Variants in FBXL7 observed in about 807,000 individuals in gnomAD.
The protein encoded by FBXL7 is F-box and leucine rich repeat protein 7, also known as F-box/LRR-repeat protein 7.
Under a neutral mutation model 38.3 loss-of-function variants are expected in FBXL7, and 12 were observed. The observed-to-expected ratio is 0.31, with a 90% CI of 0.20 to 0.51. FBXL7 has a LOEUF of 0.51. Ranked by LOEUF, FBXL7 falls within the 20% of genes least tolerant of loss-of-function variation. The pLI is 0.98. For missense variants in FBXL7, 567 were observed against 676.4 expected, an observed-to-expected ratio of 0.84 and a Z score of 1.79; for synonymous variants, 297 against 300.9, an observed-to-expected ratio of 0.99 and a Z score of 0.13.
At chr5:15,721,959 T>C (rs1334108585) in intron 2 of FBXL7, among the ~76,000 whole-genome samples, 1 of 152,080 alleles carries the variant, frequency 6.6e-6, no homozygotes, top group African/African-American at 2.4e-5. Flanking sequence ...CTCAGCCTCC[T>C]GAGTAGCTGG....
chr5:15,807,799 T>G (rs948820348), intron 2 of FBXL7, among the ~76,000 whole-genome samples: 3 of 152,190 alleles, frequency 2.0e-5, no homozygotes, highest in Non-Finnish European at 4.4e-5. Context: ...CACAGATTTC[T>G]AGCAGCAGGG....
chr5:15,758,469 A>G (rs952666105), intron 2 of FBXL7, among the ~76,000 whole-genome samples: 3 of 152,140 alleles, frequency 2.0e-5, no homozygotes, highest in African/African-American at 7.2e-5. Context: ...CAAAGTGTCA[A>G]TAGTATTGAG....
chr5:15,572,761 C>A (rs1187732415), intron 1 of FBXL7, among the ~76,000 whole-genome samples: 1 of 152,152 alleles, frequency 6.6e-6, no homozygotes, highest in East Asian at 1.9e-4. Flanking sequence ...GACCTGGAGG[C>A]TGCAACCTAT....
At chr5:15,584,726 C>T (rs1457876711) in intron 1 of FBXL7, among the ~76,000 whole-genome samples, 1 of 152,160 alleles carries the variant, frequency 6.6e-6, no homozygotes, top group Non-Finnish European at 1.5e-5. Context: ...TAAAAGTACC[C>T]CACTCCTGGT....
intron 2 of FBXL7, among the ~76,000 whole-genome samples, chr5:15,879,565 C>A (rs371085555): frequency 2.0e-5 from 3 of 152,266 alleles, no homozygotes; most frequent in South Asian, 2.1e-4. Flanking sequence ...AGAGTGAATT[C>A]TTGGTATAAA....
intron 2 of FBXL7, among the ~76,000 whole-genome samples, chr5:15,630,156 C>A (rs1740952238): frequency 6.6e-6 from 1 of 152,106 alleles, no homozygotes; most frequent in Non-Finnish European, 1.5e-5. Context: ...ATAACCAGTT[C>A]CTCTCAGAAA....
intron 1 of FBXL7, among the ~76,000 whole-genome samples, chr5:15,591,646 C>G (rs1739479216): frequency 6.6e-6 from 1 of 152,092 alleles, no homozygotes; most frequent in South Asian, 2.1e-4. Flanking sequence ...TAACATCAGT[C>G]CCCTCTGCCC....
chr5:15,837,715 A>G (rs1289321757), intron 2 of FBXL7, among the ~76,000 whole-genome samples: 2 of 152,176 alleles, frequency 1.3e-5, no homozygotes, highest in Non-Finnish European at 2.9e-5. Flanking sequence ...CAAGGATGGC[A>G]GCCAGAGGTC....
In FBXL7 at chr5:15,937,237, A is replaced by AT. The variant is rs1469494669; in HGVS notation, c.*58dup. On this transcript the variant is annotated 3_prime_UTR_variant, in exon 4 of 4. Transcript: ENST00000504595. Reference sequence around the variant, plus strand: ...ATTCACACAAACCTGAACAAAGCAAATTTTTTTAAAAGCAGCGTATGTAAG... The same window carrying AT: ...ATTCACACAAACCTGAACAAAGCAAATTTTTTTTAAAAGCAGCGTATGTAAG... 10 of 1,478,744 alleles carry AT rather than the reference A, an allele frequency of 6.8e-6. No homozygotes were observed. Among genetic ancestry groups the AT allele is most frequent in the African/African-American group, 4.2e-5 (3 of 71,378 alleles). The allele number at this position is 1,478,744 out of a possible 1,614,324, so 91.6% of individuals were successfully genotyped here. A position where few individuals can be genotyped will look rare whatever the true frequency, so the allele number is the denominator to read the frequency against.
chr5:15,534,539 T>C (rs1300710687), intron 1 of FBXL7, among the ~76,000 whole-genome samples: 1 of 152,242 alleles, frequency 6.6e-6, no homozygotes, highest in East Asian at 1.9e-4. Context: ...TATCTGGAAG[T>C]ACCACAATTT....
chr5:15,549,735 C>T (rs1383339911), intron 1 of FBXL7, among the ~76,000 whole-genome samples: 5 of 152,088 alleles, frequency 3.3e-5, no homozygotes, highest in Non-Finnish European at 5.9e-5. Context: ...GACTCCAGGC[C>T]CACAAAGACT....
At chr5:15,867,656 T>C (rs1469023275) in intron 2 of FBXL7, among the ~76,000 whole-genome samples, 2 of 152,188 alleles carry the variant, frequency 1.3e-5, no homozygotes, top group East Asian at 1.9e-4. Flanking sequence ...CTGAACTTAA[T>C]AGAGGGAGAT....
chr5:15,936,399 G>T lies in FBXL7; in HGVS notation c.740-51G>T. 2 of 1,573,590 alleles carry T rather than the reference G, an allele frequency of 1.3e-6. No individual in the cohort carries two copies. The highest frequency in any genetic ancestry group is 2.3e-5 in the East Asian group (1 of 44,432). On this transcript the variant is annotated intron_variant, in intron 3 of 3. Coordinates refer to ENST00000504595, the MANE Select transcript of FBXL7 (RefSeq NM_012304.5). The surrounding 1 kb of genome is among the most constrained non-coding windows in gnomAD (Gnocchi z 6.0). ...ATGCCCCAGGGCATCCCCAGGCGTG[G>T]CTCCCCTGCTGGCAGGTTGCTCTGA...
Position 15,500,588 on chromosome 5 carries a change from G to A in FBXL7, c.-89G>A, listed in dbSNP as rs1012238192. ...GGGGGGATGTGCAGCTAACGGTCCC[G>A]TCGGGCGGGCTTTCCTCGGGCCGAG... On this transcript the variant is annotated 5_prime_UTR_variant, in exon 1 of 4. Coordinates refer to ENST00000504595, the MANE Select transcript of FBXL7 (RefSeq NM_012304.5). 5 of 1,581,466 alleles carry A rather than the reference G, an allele frequency of 3.2e-6. No individual in the cohort carries two copies. In the African/African-American group the frequency reaches 4.0e-5, roughly 13 times the overall value.
intron 1 of FBXL7, among the ~76,000 whole-genome samples, chr5:15,522,906 T>G (rs1487159230): frequency 6.6e-6 from 1 of 152,228 alleles, no homozygotes; most frequent in African/African-American, 2.4e-5. Flanking sequence ...TGGGTCTTCA[T>G]AGTTATTTGA....
chr5:15,924,555 A>C (rs1274616469), intron 2 of FBXL7, among the ~76,000 whole-genome samples: 1 of 152,046 alleles, frequency 6.6e-6, no homozygotes, highest in Non-Finnish European at 1.5e-5. Context: ...TGGCTGAACC[A>C]AGCTGGCCTT....
intron 2 of FBXL7, among the ~76,000 whole-genome samples, chr5:15,804,784 G>A (rs763858120): frequency 5.9e-5 from 9 of 152,102 alleles, no homozygotes; most frequent in Non-Finnish European, 2.9e-5. Flanking sequence ...TATTTCTTAT[G>A]AAAATCTAAT....
intron 2 of FBXL7, among the ~76,000 whole-genome samples, chr5:15,804,487 A>C (rs1324159580): frequency 1.3e-5 from 2 of 152,138 alleles, no homozygotes; most frequent in Admixed American, 1.3e-4. Context: ...ATAAATAAAT[A>C]ATGAATAAAT....
At chr5:15,735,092 C>A (rs538120700) in intron 2 of FBXL7, among the ~76,000 whole-genome samples, 4 of 152,220 alleles carry the variant, frequency 2.6e-5, no homozygotes, top group South Asian at 4.1e-4. Context: ...CCACCATGCC[C>A]GGCTAATTTT....
Sources: gnomAD v4.1 joint callset for allele counts (sites outside exome capture counted in the v4.1 genomes callset) on GRCh38, gnomAD v4.1.1 for gene constraint, Gnocchi (gnomAD v3.1) non-coding constraint, MANE v1.5 for transcripts, NCBI Gene and HGNC (gene_info 2026-07-23, HGNC 2026-07-21) for gene names.